ADAMTSL1: variants seen among roughly 807,000 people sequenced by gnomAD.
ADAMTSL1 encodes the protein ADAMTS like 1, also known as ADAMTS-like protein 1.
Under a neutral mutation model 201.8 loss-of-function variants are expected in ADAMTSL1, and 126 were observed. That is an observed-to-expected ratio of 0.62 (90% CI 0.54 to 0.72). ADAMTSL1 has a LOEUF of 0.72. Among genes scored for constraint, ADAMTSL1 ranks in the 30% least tolerant of loss-of-function variants. ADAMTSL1 has a pLI of 0.00. For missense variants in ADAMTSL1, 2,679 were observed against 2,277.8 expected, an observed-to-expected ratio of 1.18 and a Z score of -3.59; for synonymous variants, 1,121 against 903.4, an observed-to-expected ratio of 1.24 and a Z score of -4.32.
chr9:18,566,986 AGCGGGTTT>A (rs1429941798), intron 3 of ADAMTSL1, among the ~76,000 whole-genome samples: 4 of 152,166 alleles, frequency 2.6e-5, no homozygotes, highest in African/African-American at 9.7e-5. Flanking sequence ...TGGTTCTCAA[AGCGGGTTT>A]GCCAAATTAG....
At chr9:18,881,227 C>G (rs1214235798) in intron 23 of ADAMTSL1, among the ~76,000 whole-genome samples, 1 of 152,158 alleles carries the variant, frequency 6.6e-6, no homozygotes, top group African/African-American at 2.4e-5. Flanking sequence ...TCTTCAAGAG[C>G]TTTTTCTTTG....
intron 17 of ADAMTSL1, among the ~76,000 whole-genome samples, chr9:18,771,718 T>C: frequency 8.2e-6 from 1 of 122,258 alleles, no homozygotes; most frequent in East Asian, 2.2e-4. Context: ...TTTTTTTTTT[T>C]TTTTTTTTTT....
intron 2 of ADAMTSL1, among the ~76,000 whole-genome samples, chr9:18,298,670 A>T (rs1833571100): frequency 7.2e-6 from 1 of 139,020 alleles, no homozygotes; most frequent in Non-Finnish European, 1.5e-5. Context: ...TCATTTAACA[A>T]GTTAAAAAAA....
intron 2 of ADAMTSL1, among the ~76,000 whole-genome samples, chr9:18,363,052 C>G (rs921202697): frequency 6.6e-6 from 1 of 152,202 alleles, no homozygotes; most frequent in African/African-American, 2.4e-5. Flanking sequence ...AGGGCAGAAG[C>G]TGATATCAGA....
intron 2 of ADAMTSL1, among the ~76,000 whole-genome samples, chr9:18,317,393 AACACAC>A (rs57642851): frequency 2.1e-4 from 32 of 149,132 alleles, no homozygotes; most frequent in Middle Eastern, 3.4e-3. Context: ...AAGTGTCCTC[AACACAC>A]ACACACACAC....
At chr9:18,107,035 T>C (rs1346920499) in intron 1 of ADAMTSL1, among the ~76,000 whole-genome samples, 1 of 152,224 alleles carries the variant, frequency 6.6e-6, no homozygotes, top group Non-Finnish European at 1.5e-5. Context: ...TTCAAGCCAC[T>C]CTGGGAATAG....
intron 23 of ADAMTSL1, among the ~76,000 whole-genome samples, chr9:18,863,903 G>A (rs1588262770): frequency 6.6e-6 from 1 of 152,106 alleles, no homozygotes; most frequent in Non-Finnish European, 1.5e-5. Flanking sequence ...TTAAGGAAAG[G>A]ACTCCCAGAC....
intron 2 of ADAMTSL1, among the ~76,000 whole-genome samples, chr9:18,518,259 C>A (rs541827895): frequency 6.6e-6 from 1 of 152,012 alleles, no homozygotes; most frequent in Non-Finnish European, 1.5e-5. Flanking sequence ...AAATATTGAA[C>A]GTCGTACTCA....
In ADAMTSL1 at chr9:18,707,169, G is replaced by C; in HGVS notation, c.1876+121G>C. 3 of 1,265,178 alleles carry C rather than the reference G, an allele frequency of 2.4e-6. No individual in the cohort carries two copies. The South Asian group carries it at 4.6e-5, about 19-fold the overall frequency. 78.4% of individuals were successfully genotyped at this position (1,265,178 alleles called of 1,614,324 possible). ...AATGATAAGCAGGAGGAGGAGGGGA[G>C]GCAGCCATTCTAAATGTAAAGCACA... On this transcript the variant is annotated intron_variant, in intron 14 of 28. Coordinates refer to ENST00000380548, the MANE Select transcript of ADAMTSL1 (RefSeq NM_001040272.6).
At chr9:18,350,560 G>A (rs945584414) in intron 2 of ADAMTSL1, among the ~76,000 whole-genome samples, 13 of 151,954 alleles carry the variant, frequency 8.6e-5, no homozygotes, top group African/African-American at 2.9e-4. Flanking sequence ...AGAAATACAA[G>A]GAAATTGTCA....
At position 18,680,327 on chromosome 9, in the gene ADAMTSL1, A is replaced by G. The variant is rs762265256; in HGVS notation, c.1152A>G (p.Pro384=). ...GCTTCTGTAGGTGGGAGGCCACCCC[A>G]TGGACCGCGTGCTCCTCCTCGTGTG... is the stretch of plus-strand genomic sequence containing the variant. The part of the protein sequence containing the change: ...YHPLPRWEAT[P]WTACSSSCGG... The change falls in exon 11 of 29, where the codon CCA becomes CCG. Residue 384 remains proline (P), a synonymous_variant. Coordinates refer to ENST00000380548, the MANE Select transcript of ADAMTSL1 (RefSeq NM_001040272.6). 2.5e-6 allele frequency: 4 copies of G among 1,613,994 alleles called. No homozygotes were observed. The highest frequency in any genetic ancestry group is 2.5e-6 in the Non-Finnish European group (3 of 1,179,992).
intron 2 of ADAMTSL1, among the ~76,000 whole-genome samples, chr9:18,295,137 G>T (rs901067413): frequency 1.3e-5 from 2 of 152,038 alleles, no homozygotes; most frequent in South Asian, 2.1e-4. Flanking sequence ...TATATAACAT[G>T]GTCACTATAG....
chr9:18,721,610 A>G lies in ADAMTSL1; in HGVS notation c.1951A>G (p.Ser651Gly). 6.2e-7 allele frequency: 1 copy of G among 1,613,982 alleles called. No individual in the cohort carries two copies. The highest frequency in any genetic ancestry group is 1.1e-5 in the South Asian group (1 of 91,078). Reference sequence around the variant, plus strand: ...TGCTGAGGAGAACCTGTGCGTGACCAGCCGCCGGCCCCCACAGCTCCTGAA... The same window carrying G: ...TGCTGAGGAGAACCTGTGCGTGACCGGCCGCCGGCCCCCACAGCTCCTGAA... ...EPAEENLCVT[S>G]RRPPQLLKSC... The change falls in exon 15 of 29, where the codon AGC (serine) becomes GGC (glycine). Residue 651 changes from serine to glycine, a missense_variant. Coordinates refer to ENST00000380548, the MANE Select transcript of ADAMTSL1 (RefSeq NM_001040272.6).
At chr9:18,865,406 T>C (rs1392026113) in intron 23 of ADAMTSL1, among the ~76,000 whole-genome samples, 4 of 152,222 alleles carry the variant, frequency 2.6e-5, no homozygotes, top group South Asian at 2.1e-4. Flanking sequence ...TTCCATGGTG[T>C]ATATGTGCCA....
intron 2 of ADAMTSL1, among the ~76,000 whole-genome samples, chr9:18,360,269 G>A (rs1381140921): frequency 6.6e-6 from 1 of 152,130 alleles, no homozygotes; most frequent in Non-Finnish European, 1.5e-5. Flanking sequence ...TAAAGGAATA[G>A]TAACTTGAAG....
Position 18,289,111 on chromosome 9 carries a change from T to A in ADAMTSL1, c.207+125130T>A, listed in dbSNP as rs187956705. ...CAAAAAGATATATACCTAATACATA[T>A]CTTATTGGTGTATATATATGTCTGT... is the stretch of plus-strand genomic sequence containing the variant. On this transcript the variant is annotated intron_variant, in intron 2 of 29. Transcript: ENST00000680146. 8.1e-4 allele frequency among the ~76,000 whole-genome samples: 122 copies of A among 151,546 alleles called. No homozygotes were observed. In the East Asian group the frequency reaches 0.019, roughly 23 times the overall value.
chr9:18,317,835 T>C (rs1420887616), intron 2 of ADAMTSL1, among the ~76,000 whole-genome samples: 2 of 152,178 alleles, frequency 1.3e-5, no homozygotes, highest in East Asian at 3.9e-4. Flanking sequence ...AAAGTAAACT[T>C]CCTGAGGGCA....
At chr9:18,060,818 A>C (rs1387884598) in intron 1 of ADAMTSL1, among the ~76,000 whole-genome samples, 2 of 152,270 alleles carry the variant, frequency 1.3e-5, no homozygotes, top group African/African-American at 4.8e-5. Context: ...ATCTTTTTGC[A>C]TATTCAGTAT....
chr9:17,936,849 A>T (rs921526369), intron 1 of ADAMTSL1, among the ~76,000 whole-genome samples: 9 of 152,198 alleles, frequency 5.9e-5, no homozygotes, highest in African/African-American at 2.2e-4. Flanking sequence ...AGAAGCTGCC[A>T]GTGGTACAGG....
Sources: gnomAD v4.1 joint callset for allele counts (sites outside exome capture counted in the v4.1 genomes callset) on GRCh38, gnomAD v4.1.1 for gene constraint, MANE v1.5 for transcripts, NCBI Gene and HGNC (gene_info 2026-07-23, HGNC 2026-07-21) for gene names.